The following MESD variants were observed in gnomAD, a reference collection of about 807,000 sequenced individuals.
The protein encoded by MESD is LRP chaperone MESD.
MESD carries 7 observed loss-of-function variants against 12.9 expected under a neutral mutation model. The ratio of observed to expected loss-of-function variants is 0.54; its 90% CI spans 0.31 to 1.02. The LOEUF (loss-of-function observed/expected upper bound fraction) is 1.02. Among genes scored for constraint, MESD ranks in the 50% least tolerant of loss-of-function variants. The pLI is 0.05. For synonymous variants in MESD, 126 were observed against 115.6 expected, an observed-to-expected ratio of 1.09 and a Z score of -0.58; for missense variants, 342 against 296.7, an observed-to-expected ratio of 1.15 and a Z score of -1.12.
chr15:80,955,114 C>T (rs6495535), intron 3 of MESD, among the ~76,000 whole-genome samples: 19,818 of 150,454 alleles, frequency 0.13, 2,595 homozygotes, highest in African/African-American at 0.34. Flanking sequence ...CTGGGCAACA[C>T]AGCGAGACCT....
At chr15:80,947,155 G>A, downstream of MESD, 1 of 817,308 alleles carries the variant, frequency 1.2e-6, no homozygotes, top group Non-Finnish European at 2.1e-6. Context: ...TTGCTGAGTT[G>A]AGAACATGCT....
chr15:80,983,845 AC>A (rs1229253734), intron 1 of MESD, among the ~76,000 whole-genome samples: 1 of 151,808 alleles, frequency 6.6e-6, no homozygotes, highest in Non-Finnish European at 1.5e-5. Flanking sequence ...GAGATGTTGA[AC>A]CCATAATGAT....
chr15:80,947,505 C>T (rs1901609747), exon 5 of MESD: 1 of 170,024 alleles, frequency 5.9e-6, no homozygotes, highest in Admixed American at 5.7e-5. Context: ...TTATTTGTTC[C>T]AGAAAACTAA....
Position 80,968,754 on chromosome 15 carries a change from G to T in MESD, c.*288+10177C>A, listed in dbSNP as rs71399433. On this transcript the variant is annotated intron_variant, in intron 3 of 4. Transcript: ENST00000561312. ...TGGGAACTTTTATTAGCACCTACAG[G>T]CTTAGATGAGTGAGGTCCTTAAATA... 8.8e-3 allele frequency among the ~76,000 whole-genome samples: 1,347 copies of T among 152,282 alleles called. 16 individuals carry two copies. The highest frequency in any genetic ancestry group is 0.017 in the Middle Eastern group (5 of 294).
Position 80,979,401 on chromosome 15 carries a change from C to A in MESD, c.523G>T (p.Val175Phe), listed in dbSNP as rs1427338905. The change falls in exon 3 of 3, where the codon GTC becomes TTC. Residue 175 changes from valine to phenylalanine, a missense_variant. Val to Phe is a conservative substitution (Grantham distance 50, BLOSUM62 -1). Transcript: ENST00000261758. The stretch of plus-strand genomic sequence containing the variant: ...ACATCAGCACACCTGTCTTGACCGA[C>A]CAAAAAGTCCTTGATCTCCCAGGCG... The part of the protein sequence containing the change: ...SYAWEIKDFL[V>F]GQDRCADVTL... 6.2e-7 allele frequency: 1 copy of A among 1,614,196 alleles called. No homozygotes were observed. The highest frequency in any genetic ancestry group is 1.7e-5 in the Admixed American group (1 of 60,026).
intron 3 of MESD, among the ~76,000 whole-genome samples, chr15:80,960,302 G>A (rs1902062267): frequency 6.6e-6 from 1 of 151,484 alleles, no homozygotes; most frequent in Admixed American, 6.6e-5. Flanking sequence ...GGAAGTCAAG[G>A]CTGCAGTGAG....
chr15:80,947,152 G>A, downstream of MESD: 9 of 831,160 alleles, frequency 1.1e-5, no homozygotes, highest in Non-Finnish European at 1.8e-5. Context: ...CTTTTGCTGA[G>A]TTGAGAACAT....
intron 2 of MESD, among the ~76,000 whole-genome samples, chr15:80,980,073 A>C (rs1902533762): frequency 6.6e-6 from 1 of 152,216 alleles, no homozygotes; most frequent in African/African-American, 2.4e-5. Context: ...GTGGAGCCCT[A>C]GTGTGGCCAG....
rs142302096 is a variant in MESD at position 80,983,597 on chromosome 15, A to T, written c.214-1415T>A. 2.2e-3 allele frequency among the ~76,000 whole-genome samples: 336 copies of T among 152,338 alleles called. 3 individuals are homozygous for T. The highest frequency in any genetic ancestry group is 7.6e-3 in the African/African-American group (318 of 41,572). The stretch of plus-strand genomic sequence containing the variant: ...CATAGATTAACAGATGAGTAAACAG[A>T]TTAATGGATAAAAATATTTAAAAGA... On this transcript the variant is annotated intron_variant, in intron 1 of 2. Transcript: ENST00000261758.
chr15:80,968,457 G>C (rs1222642279), intron 3 of MESD, among the ~76,000 whole-genome samples: 3 of 152,164 alleles, frequency 2.0e-5, no homozygotes, highest in Non-Finnish European at 4.4e-5. Flanking sequence ...ACCCCTACAA[G>C]CTTCTGTCTA....
At chr15:80,963,371 C>A (rs578120690) in intron 3 of MESD, among the ~76,000 whole-genome samples, 3 of 152,178 alleles carry the variant, frequency 2.0e-5, no homozygotes, top group Admixed American at 1.3e-4. Flanking sequence ...CAGGACCAGA[C>A]AGATTCACAG....
At chr15:80,989,183 G>C (rs1893226744) in intron 1 of MESD, among the ~76,000 whole-genome samples, 1 of 152,182 alleles carries the variant, frequency 6.6e-6, no homozygotes, top group Non-Finnish European at 1.5e-5. Flanking sequence ...CCGCAAAACA[G>C]AAGGAAATGC....
At position 80,989,797 on chromosome 15, in the gene MESD, C is replaced by T; in HGVS notation, c.-6G>A. On this transcript the variant is annotated 5_prime_UTR_variant, in exon 1 of 3. Coordinates refer to ENST00000261758, the MANE Select transcript of MESD (RefSeq NM_015154.3). The stretch of plus-strand genomic sequence containing the variant: ...GCCCACCTGGAAGCCGCCATTTTCG[C>T]TGCGCCGCGCAGCGCCCTAGACGCG... The T allele has an allele frequency of 6.4e-7, 1 of 1,566,504 alleles. No individual in the cohort carries two copies. Among genetic ancestry groups the T allele is most frequent in the Non-Finnish European group, 8.6e-7 (1 of 1,163,082 alleles).
At position 80,979,268 on chromosome 15, in the gene MESD, C is replaced by T. The variant is rs750663890; in HGVS notation, c.656G>A (p.Arg219Gln). 28 of 1,613,852 alleles carry T rather than the reference C, an allele frequency of 1.7e-5. No homozygotes were observed. In the Admixed American group the frequency reaches 2.0e-4, roughly 12 times the overall value. Residue 219 changes from arginine to glutamine, a missense_variant, in exon 3 of 3, where the codon CGG (arginine) becomes CAG (glutamine). Coordinates refer to ENST00000261758, the MANE Select transcript of MESD (RefSeq NM_015154.3). ...KKKKEGDLKS[R>Q]SSKEENRAGN... ...AGCTCGATTTTCTTCCTTGGAAGAC[C>T]GAGATTTCAGATCTCCTTCCTTCTT...
downstream of MESD, among the ~76,000 whole-genome samples, chr15:80,975,188 G>C (rs183139386): frequency 5.3e-4 from 79 of 147,714 alleles, 1 homozygote; most frequent in East Asian, 8.6e-3. Context: ...AGGCAACATG[G>C]TGAGACACCT....
At chr15:80,946,637 C>T (rs113096630), downstream of MESD, 1,518 of 350,052 alleles carry the variant, frequency 4.3e-3, 18 homozygotes, top group African/African-American at 0.029. Flanking sequence ...CTACTGTGTG[C>T]CGAGCCCTGG....
intron 4 of MESD, chr15:80,951,729 GA>G (rs1171835519): frequency 6.5e-6 from 1 of 153,022 alleles, no homozygotes; most frequent in Admixed American, 6.5e-5. Flanking sequence ...CTCTGGTTTG[GA>G]AAAATTTTGC....
At chr15:80,983,969 C>T (rs1343917151) in intron 1 of MESD, among the ~76,000 whole-genome samples, 2 of 136,176 alleles carry the variant, frequency 1.5e-5, no homozygotes, top group African/African-American at 5.6e-5. Flanking sequence ...GGCACGATCT[C>T]GGCTCACTGC....
chr15:80,947,079 C>A (rs777418156), downstream of MESD: 1 of 1,578,698 alleles, frequency 6.3e-7, no homozygotes, highest in Non-Finnish European at 8.7e-7. Context: ...AGGGTTTGAA[C>A]TGGGGTTTAA....
Sources: gnomAD v4.1 joint callset for allele counts (sites outside exome capture counted in the v4.1 genomes callset) on GRCh38, gnomAD v4.1.1 for gene constraint, MANE v1.5 for transcripts, NCBI Gene and HGNC (gene_info 2026-07-23, HGNC 2026-07-21) for gene names.